PRKAG2: variants seen among roughly 807,000 people sequenced by gnomAD.
PRKAG2 encodes protein kinase AMP-activated non-catalytic subunit gamma 2.
A neutral mutation model predicts 69.6 loss-of-function variants in PRKAG2; 26 were observed. The ratio of observed to expected loss-of-function variants is 0.37; its 90% confidence interval spans 0.27 to 0.52. PRKAG2 has a LOEUF of 0.52. Among genes scored for constraint, PRKAG2 ranks in the 20% least tolerant of loss-of-function variants. The pLI is 0.90. For missense variants in PRKAG2, 557 were observed against 740.0 expected, an observed-to-expected ratio of 0.75 and a Z score of 2.87; for synonymous variants, 293 against 285.0, an observed-to-expected ratio of 1.03 and a Z score of -0.28.
At chr7:151,829,583 G>T (rs1272882317) in intron 1 of PRKAG2, among the ~76,000 whole-genome samples, 2 of 151,970 alleles carry the variant, frequency 1.3e-5, no homozygotes, top group Non-Finnish European at 1.5e-5. Context: ...AATGTTTGTA[G>T]CAGCATTATT....
At chr7:151,589,653 C>T (rs1812570103) in intron 6 of PRKAG2, among the ~76,000 whole-genome samples, 2 of 152,174 alleles carry the variant, frequency 1.3e-5, no homozygotes, top group Admixed American at 6.5e-5. Flanking sequence ...ACTGGCACCA[C>T]GGCCGGGCAC....
intron 1 of PRKAG2, among the ~76,000 whole-genome samples, chr7:151,843,717 AAATT>A (rs1286076491): frequency 6.6e-6 from 1 of 152,246 alleles, no homozygotes; most frequent in African/African-American, 2.4e-5. Flanking sequence ...ACTTATCACC[AAATT>A]AATAAAATAG....
intron 3 of PRKAG2, among the ~76,000 whole-genome samples, chr7:151,774,064 G>A (rs1027650416): frequency 6.6e-6 from 1 of 152,172 alleles, no homozygotes; most frequent in Non-Finnish European, 1.5e-5. Context: ...TGCATTAGAG[G>A]GAGAGACGGA....
chr7:151,570,889 TC>T (rs1807389125), intron 9 of PRKAG2, among the ~76,000 whole-genome samples: 1 of 152,050 alleles, frequency 6.6e-6, no homozygotes, highest in Non-Finnish European at 1.5e-5. Flanking sequence ...CACCTCAGCC[TC>T]CCAAATAGCT....
chr7:151,762,630 A>T (rs1188794998), intron 3 of PRKAG2, among the ~76,000 whole-genome samples: 1 of 152,222 alleles, frequency 6.6e-6, no homozygotes. Context: ...GCCCACGCAC[A>T]TCGACCAGCA....
chr7:151,690,521 G>A (rs1372824637), intron 3 of PRKAG2, among the ~76,000 whole-genome samples: 1 of 152,226 alleles, frequency 6.6e-6, no homozygotes, highest in Non-Finnish European at 1.5e-5. Flanking sequence ...CCCAAGAGAG[G>A]AGCAGCCGTT....
chr7:151,591,121 G>A (rs1211042312), intron 6 of PRKAG2, among the ~76,000 whole-genome samples: 3 of 152,248 alleles, frequency 2.0e-5, no homozygotes, highest in Admixed American at 6.5e-5. Flanking sequence ...GTACAGGTGA[G>A]GGGCCCCTTC....
At chr7:151,560,038 C>G in intron 15 of PRKAG2, 1 of 985,346 alleles carries the variant, frequency 1.0e-6, no homozygotes, top group South Asian at 4.7e-5. Flanking sequence ...TAACCACACT[C>G]TATCTGAAAG....
chr7:151,680,545 T>C (rs540809429), intron 3 of PRKAG2, among the ~76,000 whole-genome samples: 69 of 152,370 alleles, frequency 4.5e-4, no homozygotes, highest in African/African-American at 1.5e-3. Context: ...TGGCAGGATC[T>C]GGAAACACTG....
chr7:151,721,726 C>T (rs889486637), intron 3 of PRKAG2, among the ~76,000 whole-genome samples: 6 of 152,158 alleles, frequency 3.9e-5, no homozygotes, highest in Non-Finnish European at 5.9e-5. Context: ...GTTTTGGCCT[C>T]GGATATTCAC....
chr7:151,832,417 G>A (rs2079055491), intron 1 of PRKAG2, among the ~76,000 whole-genome samples: 1 of 152,102 alleles, frequency 6.6e-6, no homozygotes, highest in South Asian at 2.1e-4. Context: ...GCCTTCCCAG[G>A]CAGCCAGCAG....
intron 1 of PRKAG2, among the ~76,000 whole-genome samples, chr7:151,865,538 C>A (rs138646856): frequency 0.011 from 1,638 of 152,290 alleles, 76 homozygotes; most frequent in Admixed American, 0.066. Flanking sequence ...ACAGTGAGAC[C>A]CCTGTGCCTG....
At chr7:151,682,639 T>G (rs1585732421) in intron 3 of PRKAG2, among the ~76,000 whole-genome samples, 1 of 152,218 alleles carries the variant, frequency 6.6e-6, no homozygotes, top group Non-Finnish European at 1.5e-5. Flanking sequence ...CTGGACAGCT[T>G]CCACGGGCCA....
intron 3 of PRKAG2, among the ~76,000 whole-genome samples, chr7:151,726,024 G>C (rs1040548479): frequency 1.3e-5 from 2 of 152,142 alleles, no homozygotes; most frequent in African/African-American, 4.8e-5. Flanking sequence ...TCCCAGTCAT[G>C]AATAAATCCC....
intron 3 of PRKAG2, among the ~76,000 whole-genome samples, chr7:151,778,960 TC>T (rs563838940): frequency 8.3e-4 from 123 of 147,618 alleles, no homozygotes; most frequent in African/African-American, 2.9e-3. Context: ...TCTATACAAA[TC>T]CAAAACACAC....
At chr7:151,655,900 C>G (rs2151414164) in intron 4 of PRKAG2, among the ~76,000 whole-genome samples, 1 of 152,280 alleles carries the variant, frequency 6.6e-6, no homozygotes, top group East Asian at 1.9e-4. Context: ...TTGAGTCAGG[C>G]CATCTCAAAC....
chr7:151,865,275 C>T (rs1205247000), intron 1 of PRKAG2, among the ~76,000 whole-genome samples: 3 of 152,258 alleles, frequency 2.0e-5, no homozygotes, highest in African/African-American at 7.2e-5. Flanking sequence ...TGGCATGGAG[C>T]CGACTGGGCG....
intron 1 of PRKAG2, among the ~76,000 whole-genome samples, chr7:151,794,341 G>A (rs56005208): frequency 0.029 from 4,425 of 152,336 alleles, 90 homozygotes; most frequent in Middle Eastern, 0.054. Context: ...GACCCTCCCC[G>A]CAGTTCTGCA....
intron 4 of PRKAG2, among the ~76,000 whole-genome samples, chr7:151,669,853 C>T (rs1277562702): frequency 1.1e-4 from 2 of 18,482 alleles, no homozygotes; most frequent in Admixed American, 1.3e-3. Flanking sequence ...TGTGCACACA[C>T]CTGCATGCAT....
Sources: allele counts gnomAD v4.1 joint callset (sites outside exome capture counted in the v4.1 genomes callset), GRCh38; gene constraint gnomAD v4.1.1; transcripts MANE v1.5; gene names NCBI Gene and HGNC (gene_info 2026-07-23, HGNC 2026-07-21).